ZNF197: variants seen among roughly 807,000 people sequenced by gnomAD.
The protein encoded by ZNF197 is VHL-associated KRAB-A domain-containing protein.
In ZNF197, 14 loss-of-function variants were observed where a neutral mutation model predicts 27.4. The observed-to-expected ratio is 0.51, with a 90% CI of 0.34 to 0.80. The LOEUF is 0.80. Ranked by LOEUF, ZNF197 falls within the 30% of genes least tolerant of loss-of-function variation. The pLI is 0.02. For synonymous variants in ZNF197, 415 were observed against 420.0 expected, an observed-to-expected ratio of 0.99 and a Z score of 0.15; for missense variants, 1,090 against 1,222.6, an observed-to-expected ratio of 0.89 and a Z score of 1.62.
intron 1 of ZNF197, among the ~76,000 whole-genome samples, chr3:44,626,158 C>T (rs1410872539): frequency 6.6e-6 from 1 of 151,884 alleles, no homozygotes; most frequent in African/African-American, 2.4e-5. Flanking sequence ...AATTCCTTTC[C>T]ATCACCCCCA....
chr3:44,631,324 T>G, intron 3 of ZNF197, 103 bp downstream of exon 3: 1 of 1,407,734 alleles, frequency 7.1e-7, no homozygotes, highest in Non-Finnish European at 9.7e-7. Context: ...TGTCTAGGAG[T>G]CTCTTACAGT....
chr3:44,638,514 CT>C (rs1423216092), intron 5 of ZNF197, among the ~76,000 whole-genome samples: 1 of 152,152 alleles, frequency 6.6e-6, no homozygotes, highest in Non-Finnish European at 1.5e-5. Context: ...ATTTTGTCAT[CT>C]GCAAATAGAG....
intron 3 of ZNF197, among the ~76,000 whole-genome samples, chr3:44,631,520 C>G (rs1159941266): frequency 2.0e-5 from 3 of 152,014 alleles, no homozygotes; most frequent in Non-Finnish European, 4.4e-5. Flanking sequence ...CCTACGTCAG[C>G]CTCCTGAGTA....
Position 44,630,938 on chromosome 3 carries a change from A to G in ZNF197, c.391-124A>G, listed in dbSNP as rs1559463579. ...AGCTTTACTGCTGTTTTGATGCTCCATACTTGAGGTGGGTCTCTCTGATCT... is the reference window on the plus strand; with the variant it reads ...AGCTTTACTGCTGTTTTGATGCTCCGTACTTGAGGTGGGTCTCTCTGATCT... On this transcript the variant is annotated intron_variant, in intron 2 of 5. Transcript: ENST00000344387. 7.6e-6 allele frequency: 10 copies of G among 1,309,768 alleles called. 1 individual carries two copies. Among genetic ancestry groups the G allele is most frequent in the Non-Finnish European group, 9.9e-6 (9 of 912,576 alleles). The allele number at this position is 1,309,768 out of a possible 1,614,324, so 81.1% of individuals were successfully genotyped here. A position where few individuals can be genotyped will look rare whatever the true frequency, so the allele number is the denominator to read the frequency against.
rs1702644693 is a variant in ZNF197 at position 44,642,186 on chromosome 3, T to A, written c.1056T>A (p.Thr352=). ...QKWKELGDSL[T]FGSAISESLI... ...GGAAGGAATTAGGAGACAGCTTGAC[T>A]TTCGGTTCAGCTATTTCTGAAAGTT... Residue 352 remains threonine (T), a synonymous_variant, in exon 6 of 6, where the codon ACT becomes ACA. Transcript: ENST00000344387. 1 of 1,614,030 alleles carries A rather than the reference T, an allele frequency of 6.2e-7. No homozygotes were observed. Among genetic ancestry groups the A allele is most frequent in the African/African-American group, 1.3e-5 (1 of 74,946 alleles).
intron 5 of ZNF197, among the ~76,000 whole-genome samples, chr3:44,633,571 G>A (rs1455623131): frequency 1.3e-5 from 2 of 152,310 alleles, no homozygotes; most frequent in South Asian, 2.1e-4. Flanking sequence ...AGAAATCAAC[G>A]TTCAGAACTG....
At chr3:44,641,877 G>A (rs2125820973) in intron 5 of ZNF197, 23 bp from the exon 6 acceptor site, 1 of 1,548,496 alleles carries the variant, frequency 6.5e-7, no homozygotes, top group Non-Finnish European at 8.7e-7. Flanking sequence ...GGTAACATTT[G>A]CATTTTTAAT....
rs772690637 is a variant in ZNF197, at chr3:44,642,508, G to C, written c.1378G>C (p.Gly460Arg). The C allele has an allele frequency of 1.7e-5, 28 of 1,613,930 alleles. No homozygotes were observed. The highest frequency in any genetic ancestry group is 2.3e-5 in the Non-Finnish European group (27 of 1,179,986). ...GEKPYKCKEC[G>R]KGFYRHSGLI... ...GAAACCTTATAAGTGTAAGGAGTGTGGAAAGGGCTTCTATAGGCACTCAGG... is the reference window on the plus strand; with the variant it reads ...GAAACCTTATAAGTGTAAGGAGTGTCGAAAGGGCTTCTATAGGCACTCAGG... The change falls in exon 6 of 6, where the codon GGA becomes CGA. Residue 460 changes from glycine (G) to arginine (R), a missense_variant. Coordinates refer to ENST00000344387, the MANE Select transcript of ZNF197 (RefSeq NM_006991.5).
At chr3:44,627,593 G>T (rs924183125) in intron 1 of ZNF197, among the ~76,000 whole-genome samples, 8 of 152,022 alleles carry the variant, frequency 5.3e-5, no homozygotes, top group African/African-American at 1.4e-4. Flanking sequence ...AGCACTTTGG[G>T]AGTCCAAGGC....
chr3:44,630,743 A>G, intron 2 of ZNF197: 1 of 459,510 alleles, frequency 2.2e-6, no homozygotes, highest in Non-Finnish European at 4.2e-6. Flanking sequence ...CTAAAACTTA[A>G]GTCTGAAGCT....
rs1182699387 is a variant in ZNF197, at chr3:44,644,082, A to G, written c.2952A>G (p.Lys984=). ...ATCAGAAAATCCACACAGATGAAAA[A>G]CCTTGTGAATGTGATGTGTCTGAAA... is the stretch of plus-strand genomic sequence containing the variant. ...TVHQKIHTDE[K]PCECDVSEKE... Residue 984 remains lysine, a synonymous_variant, in exon 6 of 6, where the codon AAA becomes AAG. Coordinates refer to ENST00000344387, the MANE Select transcript of ZNF197 (RefSeq NM_006991.5). The G allele has an allele frequency of 6.2e-7, 1 of 1,614,090 alleles. No homozygotes were observed. The highest frequency in any genetic ancestry group is 2.2e-5 in the East Asian group (1 of 44,860).
chr3:44,629,229 A>G lies in ZNF197; in HGVS notation c.75A>G (p.Lys25=). ...GLVKGKDDTW[K]WGTSFQGSSS... ...TGAAGGGGAAGGATGATACCTGGAA[A>G]TGGGGAACCAGCTTCCAAGGAAGTA... is the stretch of plus-strand genomic sequence containing the variant. Residue 25 remains lysine, a synonymous_variant, in exon 2 of 6, where the codon AAA becomes AAG. Coordinates refer to ENST00000344387, the MANE Select transcript of ZNF197 (RefSeq NM_006991.5). 1.2e-6 allele frequency: 2 copies of G among 1,614,150 alleles called. No individual in the cohort carries two copies. The highest frequency in any genetic ancestry group is 1.7e-6 in the Non-Finnish European group (2 of 1,180,014).
In ZNF197 at chr3:44,643,698, G is replaced by T. The variant is rs146920588; in HGVS notation, c.2568G>T (p.Thr856=). 1.7e-5 allele frequency: 28 copies of T among 1,613,968 alleles called. No individual in the cohort carries two copies. In the South Asian group the frequency reaches 2.9e-4, roughly 16 times the overall value. Residue 856 remains threonine, a synonymous_variant, in exon 6 of 6, where the codon ACG becomes ACT. Transcript: ENST00000344387. The part of the protein sequence containing the change: ...YACSECGKGF[T]YNRNLIEHQR... The stretch of plus-strand genomic sequence containing the variant: ...GTAGTGAGTGTGGAAAAGGTTTTAC[G>T]TACAACAGAAACCTGATTGAACATC...
chr3:44,629,083 TC>T lies in ZNF197; in HGVS notation c.-70del. The T allele has an allele frequency of 6.5e-7, 1 of 1,528,684 alleles. No homozygotes were observed. Among genetic ancestry groups the T allele is most frequent in the Non-Finnish European group, 8.7e-7 (1 of 1,145,080 alleles). 94.7% of individuals were successfully genotyped at this position (1,528,684 alleles called of 1,614,324 possible). On this transcript the variant is annotated 5_prime_UTR_variant, in exon 2 of 6. It removes the in-frame stop codon of an upstream open reading frame in the 5' UTR. Coordinates refer to ENST00000344387, the MANE Select transcript of ZNF197 (RefSeq NM_006991.5). Reference sequence around the variant, plus strand: ...TCTTGAGGTCTTGTAGATGATACTCTCCAAGCTGTAAGGAAGAAGTCAAGGA... The same window carrying T: ...TCTTGAGGTCTTGTAGATGATACTCTCAAGCTGTAAGGAAGAAGTCAAGGA...
At position 44,643,160 on chromosome 3, in the gene ZNF197, T is replaced by G. The variant is rs1391280746; in HGVS notation, c.2030T>G (p.Leu677Arg). The G allele has an allele frequency of 5.6e-6, 9 of 1,612,052 alleles. No individual in the cohort carries two copies. In the South Asian group the frequency reaches 9.9e-5, roughly 18 times the overall value. ...LHQRFHTGENLYECKDCGKVF... is the reference protein window; with the variant it reads ...LHQRFHTGENRYECKDCGKVF... ...CAAAGGTTCCACACTGGAGAGAATC[T>G]CTATGAATGTAAAGATTGTGGTAAG... The change falls in exon 6 of 6, where the codon CTC (leucine) becomes CGC (arginine). Residue 677 changes from leucine to arginine, a missense_variant. Physicochemically the swap from Leu to Arg is moderately radical, Grantham distance 102 (BLOSUM62 -2). Coordinates refer to ENST00000344387, the MANE Select transcript of ZNF197 (RefSeq NM_006991.5).
At position 44,642,123 on chromosome 3, in the gene ZNF197, G is replaced by A; in HGVS notation, c.993G>A (p.Lys331=). 3 of 1,613,994 alleles carry A rather than the reference G, an allele frequency of 1.9e-6. No individual in the cohort carries two copies. Among genetic ancestry groups the A allele is most frequent in the Non-Finnish European group, 2.5e-6 (3 of 1,179,982 alleles). Residue 331 remains lysine (K), a synonymous_variant, in exon 6 of 6, where the codon AAG becomes AAA. Coordinates refer to ENST00000344387, the MANE Select transcript of ZNF197 (RefSeq NM_006991.5). ...VKKVSLCERD[K]KKRTPPEKQG... Reference sequence around the variant, plus strand: ...AAGTTTCCCTTTGTGAACGAGACAAGAAGAAAAGGACTCCACCAGAGAAAC... The same window carrying A: ...AAGTTTCCCTTTGTGAACGAGACAAAAAGAAAAGGACTCCACCAGAGAAAC...
Position 44,631,145 on chromosome 3 carries a change from C to T in ZNF197, c.474C>T (p.Gly158=). 6.2e-7 allele frequency: 1 copy of T among 1,614,160 alleles called. No individual in the cohort carries two copies. Among genetic ancestry groups the T allele is most frequent in the Non-Finnish European group, 8.5e-7 (1 of 1,180,030 alleles). The change falls in exon 3 of 6, where the codon GGC becomes GGT. Residue 158 remains glycine (G), a synonymous_variant. Transcript: ENST00000344387. Reference sequence around the variant, plus strand: ...CAACACTTCCTCCTGTACTTCCTGGCAGCCACATAGCAGCTGAAATTTGCC... The same window carrying T: ...CAACACTTCCTCCTGTACTTCCTGGTAGCCACATAGCAGCTGAAATTTGCC... ...PGTTLPPVLP[G]SHIAAEICPH... is the part of the protein sequence containing the mutation.
Position 44,645,065 on chromosome 3 carries a change from C to T in ZNF197, c.*845C>T, listed in dbSNP as rs1702880282. 8 of 985,190 alleles carry T rather than the reference C, an allele frequency of 8.1e-6. No homozygotes were observed. The South Asian group carries it at 3.8e-4, about 46-fold the overall frequency. The allele number at this position is 985,190 out of a possible 1,614,324, so 61.0% of individuals were successfully genotyped here. ...CCTAAAAGAGCACTGGATTTGGAAT[C>T]AGAAGACCTACCTTTGATTCCTGGC... On this transcript the variant is annotated 3_prime_UTR_variant, in exon 6 of 6. Transcript: ENST00000344387.
Position 44,630,885 on chromosome 3 carries a change from G to T in ZNF197, c.391-177G>T, listed in dbSNP as rs570580566. ...GTCACCAGTGCCATGAGTGGGGCTC[G>T]AGGGCAGCTCCATTGTTCTCAATGC... is the stretch of plus-strand genomic sequence containing the variant. On this transcript the variant is annotated intron_variant, in intron 2 of 5. Coordinates refer to ENST00000344387, the MANE Select transcript of ZNF197 (RefSeq NM_006991.5). 4 of 855,868 alleles carry T rather than the reference G, an allele frequency of 4.7e-6. No individual in the cohort carries two copies. In the Admixed American group the frequency reaches 7.9e-5, roughly 17 times the overall value. 53.0% of individuals were successfully genotyped at this position (855,868 alleles called of 1,614,324 possible).
Sources: allele counts gnomAD v4.1 joint callset (sites outside exome capture counted in the v4.1 genomes callset), GRCh38; gene constraint gnomAD v4.1.1; transcripts MANE v1.5; gene names NCBI Gene and HGNC (gene_info 2026-07-23, HGNC 2026-07-21).